SLC12A6: variants seen among roughly 807,000 people sequenced by gnomAD.
The protein encoded by SLC12A6 is solute carrier family 12 member 6.
Under a neutral mutation model 135.3 loss-of-function variants are expected in SLC12A6, and 66 were observed. That is an observed-to-expected ratio of 0.49 (90% confidence interval 0.40 to 0.60). The LOEUF is 0.60. Among genes scored for constraint, SLC12A6 ranks in the 20% least tolerant of loss-of-function variants. The probability of loss-of-function intolerance (pLI) is 0.00; values close to 1 mark genes in which losing one functional copy is unlikely to be tolerated. For synonymous variants in SLC12A6, 513 were observed against 508.8 expected (o/e 1.01, Z -0.11); for missense variants, 1,058 against 1,452.3 (o/e 0.73, Z 4.41).
chr15:34,337,455 A>T lies in SLC12A6; in HGVS notation c.-196T>A, dbSNP rs1890274936. 1 of 152,752 alleles carries T rather than the reference A, an allele frequency of 6.5e-6. No individual in the cohort carries two copies. Among genetic ancestry groups the T allele is most frequent in the East Asian group, 1.9e-4 (1 of 5,176 alleles). The allele number at this position is 152,752 out of a possible 1,614,324, so 9.5% of individuals were successfully genotyped here. A position where few individuals can be genotyped will look rare whatever the true frequency, so the allele number is the denominator to read the frequency against. On this transcript the variant is annotated 5_prime_UTR_variant, in exon 1 of 26. Transcript: ENST00000354181. ...AGAAAGGTCCTCGGGGTCTGGGAGG[A>T]GGTTAGCGGATCAAGACACCTCGGA...
chr15:34,287,902 C>CA (rs1895219593), intron 2 of SLC12A6, among the ~76,000 whole-genome samples: 1 of 152,132 alleles, frequency 6.6e-6, no homozygotes, highest in Non-Finnish European at 1.5e-5. Flanking sequence ...GGATAGATAG[C>CA]AAAAATTTTC....
At chr15:34,333,563 CA>C (rs1248444600) in intron 2 of SLC12A6, among the ~76,000 whole-genome samples, 3 of 152,078 alleles carry the variant, frequency 2.0e-5, no homozygotes, top group Non-Finnish European at 4.4e-5. Flanking sequence ...TTTCCAGAGG[CA>C]TCCACTCTCA....
chr15:34,330,187 T>C (rs1889743403), intron 2 of SLC12A6, among the ~76,000 whole-genome samples: 1 of 152,206 alleles, frequency 6.6e-6, no homozygotes, highest in South Asian at 2.1e-4. Context: ...ACGGCTCTTT[T>C]TATCTGTAAC....
chr15:34,258,442 T>G (rs931807969), intron 5 of SLC12A6, among the ~76,000 whole-genome samples: 1 of 152,146 alleles, frequency 6.6e-6, no homozygotes. Flanking sequence ...CAGCTAGATC[T>G]CTCCTCAAAT....
chr15:34,268,473 G>A (rs1162304344), intron 3 of SLC12A6, among the ~76,000 whole-genome samples: 3 of 152,122 alleles, frequency 2.0e-5, no homozygotes, highest in Admixed American at 2.0e-4. Context: ...AAAGGTCAAG[G>A]CTTTCCAAGG....
chr15:34,335,046 G>A (rs986526321), intron 2 of SLC12A6, among the ~76,000 whole-genome samples: 1 of 152,028 alleles, frequency 6.6e-6, no homozygotes, highest in African/African-American at 2.4e-5. Context: ...GTCTTTACCT[G>A]GAATTTTTAC....
chr15:34,337,235 G>C (rs1890260728), intron 1 of SLC12A6, 97 bp downstream of exon 1: 1 of 174,724 alleles, frequency 5.7e-6, no homozygotes, highest in African/African-American at 2.4e-5. Context: ...TCTGGCTGGG[G>C]GGAGGTGTAT....
intron 3 of SLC12A6, among the ~76,000 whole-genome samples, chr15:34,266,943 T>A (rs1196807977): frequency 1.3e-5 from 2 of 152,150 alleles, no homozygotes; most frequent in African/African-American, 2.4e-5. Context: ...GGTTCTAACA[T>A]CTTTTTATTT....
In SLC12A6 at chr15:34,252,331, G is replaced by C. The variant is rs758731032; in HGVS notation, c.1172C>G (p.Ser391Cys). The C allele has an allele frequency of 2.5e-6, 4 of 1,613,232 alleles. No individual in the cohort carries two copies. Among genetic ancestry groups the C allele is most frequent in the Non-Finnish European group, 3.4e-6 (4 of 1,179,412 alleles). Residue 391 changes from serine to cysteine, a missense_variant, in exon 10 of 26, where the codon TCT (serine) becomes TGT (cysteine). Around this residue, in one of 6 missense-constraint regions of SLC12A6, gnomAD observed 297 missense variants for 318.5 expected, o/e 0.93. Transcript: ENST00000354181. Reference sequence around the variant, plus strand: ...CATGTTGTTAATTTCCTTGGTCTTAGAGCAAACGTCAATGTGTCTTGATGA... The same window carrying C: ...CATGTTGTTAATTTCCTTGGTCTTACAGCAAACGTCAATGTGTCTTGATGA... ...TLSSRHIDVC[S>C]KTKEINNMTV...
intron 3 of SLC12A6, among the ~76,000 whole-genome samples, chr15:34,264,563 C>G (rs538143039): frequency 6.6e-6 from 1 of 152,236 alleles, no homozygotes; most frequent in South Asian, 2.1e-4. Flanking sequence ...AAAGACATAT[C>G]AACTAATTGC....
intron 2 of SLC12A6, among the ~76,000 whole-genome samples, chr15:34,326,928 T>C (rs922785880): frequency 2.0e-5 from 3 of 149,556 alleles, no homozygotes; most frequent in Admixed American, 6.7e-5. Flanking sequence ...CTAGCAATTA[T>C]GTCTTAATAA....
intron 9 of SLC12A6, 33 bp downstream of exon 9, chr15:34,254,315 T>C: frequency 1.9e-6 from 3 of 1,596,102 alleles, no homozygotes; most frequent in Non-Finnish European, 2.6e-6. Flanking sequence ...TACTACCCAA[T>C]AAGGATGGCT....
At chr15:34,250,271 A>G in intron 13 of SLC12A6, 27 bp downstream of exon 13, 2 of 1,267,576 alleles carry the variant, frequency 1.6e-6, no homozygotes, top group Non-Finnish European at 2.3e-6. Context: ...CACACACATA[A>G]TTGTTACAAA....
intron 16 of SLC12A6, among the ~76,000 whole-genome samples, 162 bp from the exon 17 acceptor site, chr15:34,242,383 A>G (rs1041021001): frequency 1.3e-5 from 2 of 152,232 alleles, no homozygotes; most frequent in African/African-American, 2.4e-5. Flanking sequence ...GAATTATTCG[A>G]AAAATTATCA....
intron 2 of SLC12A6, among the ~76,000 whole-genome samples, chr15:34,331,223 A>AGT (rs1406405778): frequency 2.0e-5 from 3 of 152,178 alleles, no homozygotes; most frequent in African/African-American, 7.2e-5. Flanking sequence ...TCCAGGCTGC[A>AGT]GTGCAACTTC....
chr15:34,230,156 A>G lies in SLC12A6; in HGVS notation c.*3725T>C, dbSNP rs1166782573. The G allele has an allele frequency of 8.9e-6, 2 of 223,510 alleles. No homozygotes were observed. The highest frequency in any genetic ancestry group is 1.7e-5 in the Non-Finnish European group (2 of 115,584). 13.8% of individuals were successfully genotyped at this position (223,510 alleles called of 1,614,324 possible). On this transcript the variant is annotated 3_prime_UTR_variant, in exon 26 of 26. Transcript: ENST00000354181. ...ATGGTTGAGAACAATGCATAAAAAA[A>G]GTTGCACAAGTTCCTTATTTTCCTT...
chr15:34,293,203 C>G (rs1895661233), intron 2 of SLC12A6, among the ~76,000 whole-genome samples: 1 of 152,184 alleles, frequency 6.6e-6, no homozygotes, highest in Non-Finnish European at 1.5e-5. Context: ...TCTGATATGG[C>G]TTTAAGGATA....
intron 13 of SLC12A6, among the ~76,000 whole-genome samples, chr15:34,250,015 C>G (rs1231119185): frequency 6.6e-6 from 1 of 152,142 alleles, no homozygotes; most frequent in Non-Finnish European, 1.5e-5. Context: ...AGTGATCCTC[C>G]CACCTCAGTC....
chr15:34,246,580 T>TA (rs1892005916), intron 13 of SLC12A6, among the ~76,000 whole-genome samples: 1 of 152,176 alleles, frequency 6.6e-6, no homozygotes, highest in Non-Finnish European at 1.5e-5. Flanking sequence ...TTCTATTATA[T>TA]AAAATATTAT....
Sources: allele counts gnomAD v4.1 joint callset (sites outside exome capture counted in the v4.1 genomes callset), GRCh38; gene constraint gnomAD v4.1.1; regional missense constraint gnomAD v4.1.1; transcripts MANE v1.5; gene names NCBI Gene and HGNC (gene_info 2026-07-23, HGNC 2026-07-21).